CLOCK: variants seen among roughly 807,000 people sequenced by gnomAD.
The protein encoded by CLOCK is circadian locomoter output cycles protein kaput.
CLOCK carries 43 observed loss-of-function variants against 118.4 expected under a neutral mutation model. The ratio of observed to expected loss-of-function variants is 0.36; its 90% confidence interval spans 0.28 to 0.47. The LOEUF is 0.47. Ranked by LOEUF, CLOCK falls within the 20% of genes least tolerant of loss-of-function variation. The pLI, the probability that CLOCK is intolerant of heterozygous loss-of-function variation, is 1.00. For missense variants in CLOCK, 846 were observed against 999.9 expected, an observed-to-expected ratio of 0.85 and a Z score of 2.08; for synonymous variants, 326 against 339.2, an observed-to-expected ratio of 0.96 and a Z score of 0.43.
chr4:55,519,372 T>C (rs1250601211), intron 1 of CLOCK, among the ~76,000 whole-genome samples: 1 of 152,220 alleles, frequency 6.6e-6, no homozygotes, highest in Non-Finnish European at 1.5e-5. Context: ...CAATTCTTTT[T>C]GTATATAGGA....
At chr4:55,533,048 A>G (rs947435278) in intron 1 of CLOCK, among the ~76,000 whole-genome samples, 2 of 152,220 alleles carry the variant, frequency 1.3e-5, no homozygotes, top group Non-Finnish European at 2.9e-5. Flanking sequence ...CATACTACCT[A>G]AAGCAATCTA....
At chr4:55,536,786 C>T (rs962280982) in intron 1 of CLOCK, among the ~76,000 whole-genome samples, 2 of 152,032 alleles carry the variant, frequency 1.3e-5, no homozygotes, top group Non-Finnish European at 2.9e-5. Context: ...CCTCTCCCAA[C>T]CCGGCAAAAT....
intron 4 of CLOCK, among the ~76,000 whole-genome samples, chr4:55,482,314 G>A (rs1726988187): frequency 1.3e-5 from 2 of 152,158 alleles, no homozygotes; most frequent in Admixed American, 6.5e-5. Flanking sequence ...TTTCCCAAGA[G>A]TATGATGTAA....
In CLOCK at chr4:55,458,779, TC is replaced by T. The variant is rs1216270204; in HGVS notation, c.792+112del. ...ATAACTCATCGTTTCAAAAATATTATCATGCATATTTAATGACTCATAGCCA... is the reference window on the plus strand; with the variant it reads ...ATAACTCATCGTTTCAAAAATATTATATGCATATTTAATGACTCATAGCCA... On this transcript the variant is annotated intron_variant, in intron 11 of 22. Transcript: ENST00000513440. 2.3e-4 allele frequency: 166 copies of T among 718,266 alleles called. No individual in the cohort carries two copies. In the African/African-American group the frequency reaches 2.5e-3, roughly 11 times the overall value. The allele number at this position is 718,266 out of a possible 1,614,324, so 44.5% of individuals were successfully genotyped here. A position where few individuals can be genotyped will look rare whatever the true frequency, so the allele number is the denominator to read the frequency against.
intron 2 of CLOCK, among the ~76,000 whole-genome samples, chr4:55,495,963 TG>T (rs1728046156): frequency 2.0e-5 from 3 of 152,128 alleles, no homozygotes; most frequent in African/African-American, 7.2e-5. Context: ...TCAAGGTGGG[TG>T]GATCACCTGA....
intron 13 of CLOCK, 75 bp downstream of exon 13, chr4:55,455,822 A>C (rs944336997): frequency 1.0e-6 from 1 of 1,001,370 alleles, no homozygotes; most frequent in Non-Finnish European, 1.6e-6. Flanking sequence ...TCTGTGTCTT[A>C]CTACCTATCA....
intron 1 of CLOCK, among the ~76,000 whole-genome samples, chr4:55,526,446 T>A (rs750877192): frequency 6.6e-6 from 1 of 152,216 alleles, no homozygotes; most frequent in Non-Finnish European, 1.5e-5. Flanking sequence ...TAACATGTAG[T>A]AATAGTACTA....
At chr4:55,469,257 G>A (rs908985676) in intron 8 of CLOCK, among the ~76,000 whole-genome samples, 10 of 151,736 alleles carry the variant, frequency 6.6e-5, no homozygotes, top group South Asian at 2.1e-4. Context: ...CACCACGCCC[G>A]GCTAATTTTG....
chr4:55,462,504 C>T (rs897964500), intron 9 of CLOCK, among the ~76,000 whole-genome samples: 3 of 152,176 alleles, frequency 2.0e-5, no homozygotes, highest in Non-Finnish European at 2.9e-5. Context: ...GTCTCAAACT[C>T]GTAGCCTCAA....
chr4:55,500,076 T>G (rs1471884198), intron 2 of CLOCK, among the ~76,000 whole-genome samples: 1 of 152,194 alleles, frequency 6.6e-6, no homozygotes, highest in Non-Finnish European at 1.5e-5. Flanking sequence ...GGGGGGAATT[T>G]TCTTTGTCCT....
At chr4:55,498,603 C>CTTATTATTA (rs56413931) in intron 2 of CLOCK, among the ~76,000 whole-genome samples, 7,090 of 148,570 alleles carry the variant, frequency 0.048, 200 homozygotes, top group South Asian at 0.12. Context: ...TATCTAGTTC[C>CTTATTATTA]TTATTATTAT....
At chr4:55,538,263 T>C (rs1731036131) in intron 1 of CLOCK, among the ~76,000 whole-genome samples, 1 of 152,164 alleles carries the variant, frequency 6.6e-6, no homozygotes, top group Non-Finnish European at 1.5e-5. Context: ...GACGGAACAA[T>C]ACAACCATAT....
At chr4:55,526,117 C>T (rs376561363) in intron 1 of CLOCK, among the ~76,000 whole-genome samples, 1 of 152,060 alleles carries the variant, frequency 6.6e-6, no homozygotes, top group East Asian at 1.9e-4. Flanking sequence ...AAATCCGAAA[C>T]GCTTCTAATC....
chr4:55,445,671 G>C (rs1723785254), intron 18 of CLOCK, among the ~76,000 whole-genome samples: 1 of 135,278 alleles, frequency 7.4e-6, no homozygotes, highest in African/African-American at 2.8e-5. Flanking sequence ...GCTCTCTACA[G>C]CCTTAACTTT....
chr4:55,442,486 T>G lies in CLOCK; in HGVS notation c.2051A>C (p.Gln684Pro), dbSNP rs1490002469. The G allele has an allele frequency of 6.2e-7, 1 of 1,606,132 alleles. No individual in the cohort carries two copies. The highest frequency in any genetic ancestry group is 8.5e-7 in the Non-Finnish European group (1 of 1,178,178). ...SMVQIPSSMP[Q>P]NSTQSAAVTT... ...TACTGCAGCACTCTGGGTGCTGTTTTGTGGCATACTAGATGGAATCTGGAC... is the reference window on the plus strand; with the variant it reads ...TACTGCAGCACTCTGGGTGCTGTTTGGTGGCATACTAGATGGAATCTGGAC... Residue 684 changes from glutamine (Q) to proline (P), a missense_variant, in exon 21 of 23, where the codon CAA becomes CCA. Around this residue, in one of 4 missense-constraint regions of CLOCK, gnomAD observed 520 missense variants for 558.0 expected, o/e 0.93. Coordinates refer to ENST00000513440, the MANE Select transcript of CLOCK (RefSeq NM_004898.4).
In CLOCK at chr4:55,446,126, CAG is replaced by C. The variant is rs377526082; in HGVS notation, c.1540-1343_1540-1342del. ...CTTTTTTTTTTTTTTTTTTTTGAGACAGAGTCACCCAAGCTGGAATGCAGTGG... is the reference window on the plus strand; with the variant it reads ...CTTTTTTTTTTTTTTTTTTTTGAGACAGTCACCCAAGCTGGAATGCAGTGG... On this transcript the variant is annotated intron_variant, in intron 18 of 22. Transcript: ENST00000513440. 4.0e-3 allele frequency among the ~76,000 whole-genome samples: 515 copies of C among 127,684 alleles called. 3 individuals carry two copies. Among genetic ancestry groups the C allele is most frequent in the African/African-American group, 0.015 (489 of 32,946 alleles). 83.8% of individuals were successfully genotyped at this position (127,684 alleles called of 152,430 possible).
chr4:55,539,370 T>C (rs1731105474), intron 1 of CLOCK, among the ~76,000 whole-genome samples: 1 of 151,744 alleles, frequency 6.6e-6, no homozygotes, highest in Non-Finnish European at 1.5e-5. Context: ...GCCCAGGAGT[T>C]CAAGAACAGC....
In CLOCK at chr4:55,435,565, TGAG is replaced by T; in HGVS notation, c.2388_2390del (p.Ser797del). The T allele has an allele frequency of 6.2e-7, 1 of 1,613,996 alleles. No homozygotes were observed. Among genetic ancestry groups the T allele is most frequent in the Middle Eastern group, 1.7e-4 (1 of 6,060 alleles). On this transcript the variant is annotated inframe_deletion, in exon 23 of 23. Coordinates refer to ENST00000513440, the MANE Select transcript of CLOCK (RefSeq NM_004898.4). The stretch of plus-strand genomic sequence containing the variant: ...ATGCAGCAGAGAGAATGAGTTGAGT[TGAG>T]GGATTCCCATGGAGCAACCTAGAAG...
intron 2 of CLOCK, among the ~76,000 whole-genome samples, chr4:55,491,995 C>G (rs993959124): frequency 6.6e-6 from 1 of 152,104 alleles, no homozygotes; most frequent in Non-Finnish European, 1.5e-5. Flanking sequence ...TAATACCAAT[C>G]CCCCTCAAAT....
Sources: allele counts gnomAD v4.1 joint callset (sites outside exome capture counted in the v4.1 genomes callset), GRCh38; gene constraint gnomAD v4.1.1; regional missense constraint gnomAD v4.1.1; transcripts MANE v1.5; gene names NCBI Gene and HGNC (gene_info 2026-07-23, HGNC 2026-07-21).